Variants in CCDC186 observed in about 807,000 individuals in gnomAD.
The protein encoded by CCDC186 is coiled-coil domain containing 186, also known as coiled-coil domain-containing protein 186.
In CCDC186, 49 loss-of-function variants were observed where a neutral mutation model predicts 113.7. The observed-to-expected ratio is 0.43, with a 90% CI of 0.34 to 0.55. The LOEUF (loss-of-function observed/expected upper bound fraction) is 0.55, where lower values mean the gene tolerates loss of function less well. Ranked by LOEUF, CCDC186 falls within the 20% of genes least tolerant of loss-of-function variation. CCDC186 has a pLI of 0.02. For missense variants in CCDC186, 890 were observed against 1,011.1 expected (o/e 0.88, Z 1.62); for synonymous variants, 355 against 345.8 (o/e 1.03, Z -0.30).
chr10:114,125,951 A>G lies in CCDC186; in HGVS notation c.2548T>C (p.Leu850=). The G allele has an allele frequency of 1.2e-6, 2 of 1,614,042 alleles. No individual in the cohort carries two copies. Residue 850 remains leucine (L), a synonymous_variant, in exon 15 of 16, where the codon TTG becomes CTG. Transcript: ENST00000369287. ...GCCTGTAATTTTCGGTTGATTTCCAAAGAGAGCTCCAATGTTAATCCATTG... is the reference window on the plus strand; with the variant it reads ...GCCTGTAATTTTCGGTTGATTTCCAGAGAGAGCTCCAATGTTAATCCATTG... ...ADNGLTLELS[L]EINRKLQAVL...
chr10:114,150,994 A>G, intron 4 of CCDC186, 98 bp downstream of exon 4: 1 of 1,409,944 alleles, frequency 7.1e-7, no homozygotes, highest in Admixed American at 2.1e-5. Flanking sequence ...GTATTAATAC[A>G]ATAGTGAGGT....
intron 14 of CCDC186, among the ~76,000 whole-genome samples, chr10:114,126,680 C>T (rs1183913117): frequency 1.3e-5 from 2 of 152,194 alleles, no homozygotes; most frequent in Non-Finnish European, 2.9e-5. Context: ...TGCTCAATTT[C>T]TGTTAATATT....
intron 2 of CCDC186, among the ~76,000 whole-genome samples, chr10:114,159,661 A>G (rs796110452): frequency 2.6e-5 from 4 of 151,538 alleles, no homozygotes; most frequent in Admixed American, 2.6e-4. Flanking sequence ...AAAAAAAAAA[A>G]AAAGAATTTT....
In CCDC186 at chr10:114,174,138, A is replaced by G. The variant is rs754549951; in HGVS notation, c.-185T>C. 1 of 471,594 alleles carries G rather than the reference A, an allele frequency of 2.1e-6. No homozygotes were observed. Among genetic ancestry groups the G allele is most frequent in the Non-Finnish European group, 4.4e-6 (1 of 226,796 alleles). The allele number at this position is 471,594 out of a possible 1,614,324, so 29.2% of individuals were successfully genotyped here. A position where few individuals can be genotyped will look rare whatever the true frequency, so the allele number is the denominator to read the frequency against. ...GGAGGAAAAGACCGCGGTGAGAAAC[A>G]CAGCCGACGCCTCACTCAGCGGCCG... On this transcript the variant is annotated 5_prime_UTR_variant, in exon 1 of 16. Coordinates refer to ENST00000369287, the MANE Select transcript of CCDC186 (RefSeq NM_018017.4).
chr10:114,160,003 C>T (rs2119817946), intron 2 of CCDC186, among the ~76,000 whole-genome samples: 2 of 152,094 alleles, frequency 1.3e-5, no homozygotes, highest in South Asian at 4.2e-4. Flanking sequence ...GGCGCAGTGG[C>T]TCACGCCTGT....
chr10:114,132,835 A>G (rs2031130987), intron 10 of CCDC186, among the ~76,000 whole-genome samples: 1 of 152,238 alleles, frequency 6.6e-6, no homozygotes. Context: ...CAGATGTTCA[A>G]TATTGATGAA....
At chr10:114,128,079 T>C (rs940709266) in intron 13 of CCDC186, among the ~76,000 whole-genome samples, 1 of 152,226 alleles carries the variant, frequency 6.6e-6, no homozygotes, top group African/African-American at 2.4e-5. Flanking sequence ...ACTACTCCTC[T>C]ACTTACTAAC....
chr10:114,172,835 A>G (rs1398246055), intron 1 of CCDC186, among the ~76,000 whole-genome samples: 3 of 152,270 alleles, frequency 2.0e-5, no homozygotes, highest in African/African-American at 7.2e-5. Flanking sequence ...CACAGGGAAC[A>G]GTGTACATTA....
intron 6 of CCDC186, among the ~76,000 whole-genome samples, chr10:114,138,025 G>A (rs1338144525): frequency 1.2e-5 from 1 of 83,144 alleles, no homozygotes; most frequent in Non-Finnish European, 2.2e-5. Context: ...CAACAAGAGT[G>A]AAACTCGGTC....
At chr10:114,157,751 TTTC>T in intron 2 of CCDC186, 71 bp from the exon 3 acceptor site, 2 of 1,234,630 alleles carry the variant, frequency 1.6e-6, no homozygotes, top group Non-Finnish European at 2.3e-6. Flanking sequence ...TGGAATATAA[TTTC>T]TTTACAGATC....
chr10:114,162,856 T>C lies in CCDC186; in HGVS notation c.413A>G (p.Glu138Gly). ...PESANEKTYS[E>G]SPYDTDCTKK... ...GGTGCAGTCTGTATCATAGGGGCTTTCTGAATAAGTCTTTTCATTAGCTGA... is the reference window on the plus strand; with the variant it reads ...GGTGCAGTCTGTATCATAGGGGCTTCCTGAATAAGTCTTTTCATTAGCTGA... Residue 138 changes from glutamate (E) to glycine (G), a missense_variant, in exon 2 of 16, where the codon GAA becomes GGA. Glu to Gly is a moderately conservative substitution (Grantham distance 98). Transcript: ENST00000369287. 1 of 1,614,014 alleles carries C rather than the reference T, an allele frequency of 6.2e-7. No homozygotes were observed. The highest frequency in any genetic ancestry group is 8.5e-7 in the Non-Finnish European group (1 of 1,179,936).
chr10:114,151,530 A>G (rs552534015), intron 3 of CCDC186, among the ~76,000 whole-genome samples: 26 of 152,354 alleles, frequency 1.7e-4, no homozygotes, highest in African/African-American at 5.8e-4. Flanking sequence ...AGTCACCCAC[A>G]GTTCAAAAAT....
At chr10:114,144,354 G>T in intron 6 of CCDC186, 143 bp downstream of exon 6, 1 of 942,402 alleles carries the variant, frequency 1.1e-6, no homozygotes, top group Non-Finnish European at 1.5e-6. Context: ...TAAGCTTCAT[G>T]CCTCATTAAC....
In CCDC186 at chr10:114,163,104, T is replaced by A. The variant is rs773110072; in HGVS notation, c.165A>T (p.Gln55His). Residue 55 changes from glutamine (Q) to histidine (H), a missense_variant, in exon 2 of 16, where the codon CAA becomes CAT. By Grantham distance (24) the Gln-to-His change is conservative. Coordinates refer to ENST00000369287, the MANE Select transcript of CCDC186 (RefSeq NM_018017.4). Reference sequence around the variant, plus strand: ...CAATTCGATTATTATGCTCATTAGGTTGACATAAAGTTTTATCAGTGTTTA... The same window carrying A: ...CAATTCGATTATTATGCTCATTAGGATGACATAAAGTTTTATCAGTGTTTA... Reference protein sequence around the residue: ...LSLNTDKTLCQPNEHNNRIEA... With the variant: ...LSLNTDKTLCHPNEHNNRIEA... 2 of 1,613,908 alleles carry A rather than the reference T, an allele frequency of 1.2e-6. No individual in the cohort carries two copies. Among genetic ancestry groups the A allele is most frequent in the Non-Finnish European group, 1.7e-6 (2 of 1,179,974 alleles).
chr10:114,141,185 G>A lies in CCDC186; in HGVS notation c.1221+3312C>T, dbSNP rs573726578. 2.1e-4 allele frequency among the ~76,000 whole-genome samples: 32 copies of A among 152,212 alleles called. No homozygotes were observed. In the East Asian group the frequency reaches 4.6e-3, roughly 22 times the overall value. The stretch of plus-strand genomic sequence containing the variant: ...GCTAGAATTACAGGTGTGAGACACC[G>A]TGCCTGGATCTGTTCCTACTGATCT... On this transcript the variant is annotated intron_variant, in intron 6 of 15. Transcript: ENST00000369287.
intron 6 of CCDC186, among the ~76,000 whole-genome samples, chr10:114,141,604 CCCT>C (rs1259559880): frequency 1.3e-5 from 2 of 151,974 alleles, no homozygotes; most frequent in Admixed American, 6.6e-5. Flanking sequence ...TATTTCTTCC[CCCT>C]CCTCTGTAGT....
intron 3 of CCDC186, among the ~76,000 whole-genome samples, chr10:114,152,320 T>C (rs368671201): frequency 1.4e-5 from 2 of 145,400 alleles, no homozygotes; most frequent in Non-Finnish European, 3.0e-5. Flanking sequence ...CCAGCCAGAG[T>C]GATGAGACCC....
At chr10:114,134,781 G>T (rs1277434392) in intron 10 of CCDC186, 132 bp downstream of exon 10, 4 of 944,462 alleles carry the variant, frequency 4.2e-6, no homozygotes, top group Non-Finnish European at 4.7e-6. Flanking sequence ...CAGATAAAGA[G>T]AAAATATTTA....
intron 6 of CCDC186, among the ~76,000 whole-genome samples, chr10:114,138,133 G>A (rs1259603196): frequency 4.0e-4 from 57 of 143,942 alleles, no homozygotes; most frequent in African/African-American, 1.2e-3. Flanking sequence ...CCAGCTACTC[G>A]GGAGGCTGAG....
Sources: gnomAD v4.1 joint callset for allele counts (sites outside exome capture counted in the v4.1 genomes callset) on GRCh38, gnomAD v4.1.1 for gene constraint, MANE v1.5 for transcripts, NCBI Gene and HGNC (gene_info 2026-07-23, HGNC 2026-07-21) for gene names.